Variants in CYP1B1 observed in about 807,000 individuals in gnomAD.
CYP1B1 encodes the protein cytochrome P450 family 1 subfamily B member 1, also known as cytochrome P450 1B1.
Under a neutral mutation model 29.9 loss-of-function variants are expected in CYP1B1, and 22 were observed. That is an observed-to-expected ratio of 0.74 (90% CI 0.53 to 1.05). The LOEUF is 1.05. CYP1B1 is among the 50% of genes least tolerant of loss of function. The probability of loss-of-function intolerance (pLI) is 0.00; values close to 1 mark genes in which losing one functional copy is unlikely to be tolerated. For missense variants in CYP1B1, 883 were observed against 746.9 expected, an observed-to-expected ratio of 1.18 and a Z score of -2.12; for synonymous variants, 375 against 320.0, an observed-to-expected ratio of 1.17 and a Z score of -1.83.
chr2:38,075,578 C>G, intron 1 of CYP1B1, 189 bp from the exon 2 acceptor site: 1 of 628,104 alleles, frequency 1.6e-6, no homozygotes, highest in Non-Finnish European at 2.8e-6. Context: ...AGAGAAGGGG[C>G]GTGTTTCCAC....
rs1166578570 is a variant in CYP1B1 at position 38,074,509 on chromosome 2, C to A, written c.880G>T (p.Asp294Tyr). The A allele has an allele frequency of 3.1e-6, 5 of 1,610,306 alleles. No individual in the cohort carries two copies. Among genetic ancestry groups the A allele is most frequent in the Non-Finnish European group, 3.4e-6 (4 of 1,178,618 alleles). ...RPGAAPRDMM[D>Y]AFILSAEKKA... ...TTTTCCGCAGAGAGGATAAAGGCGT[C>A]CATCATGTCGCGGGGGGCGGCCCCG... The change falls in exon 2 of 3, where the codon GAC becomes TAC. Residue 294 changes from aspartate to tyrosine, a missense_variant. Transcript: ENST00000610745.
At chr2:38,075,619 C>A in intron 1 of CYP1B1, 161 bp downstream of exon 1, 1 of 594,552 alleles carries the variant, frequency 1.7e-6, no homozygotes, top group Non-Finnish European at 3.0e-6. Flanking sequence ...AACCCTTCCC[C>A]TCCCCGCAAG....
chr2:38,071,068 T>C lies in CYP1B1; in HGVS notation c.1286A>G (p.His429Arg). The C allele has an allele frequency of 6.2e-7, 1 of 1,613,502 alleles. No homozygotes were observed. Among genetic ancestry groups the C allele is most frequent in the Non-Finnish European group, 8.5e-7 (1 of 1,179,440 alleles). The change falls in exon 3 of 3, where the codon CAT becomes CGT. Residue 429 changes from histidine (H) to arginine (R), a missense_variant. His to Arg is a conservative substitution (Grantham distance 29, BLOSUM62 0). Coordinates refer to ENST00000610745, the MANE Select transcript of CYP1B1 (RefSeq NM_000104.4). ...VVFVNQWSVN[H>R]DPLKWPNPEN... The stretch of plus-strand genomic sequence containing the variant: ...CGGGTTAGGCCACTTCAGTGGGTCA[T>C]GATTCACAGACCACTGGTTGACAAA...
chr2:38,075,862 A>G lies in CYP1B1; in HGVS notation c.-84T>C, dbSNP rs886055999. The G allele has an allele frequency of 3.5e-4, 71 of 200,034 alleles. No homozygotes were observed. Among genetic ancestry groups the G allele is most frequent in the Admixed American group, 6.9e-4 (13 of 18,936 alleles). 12.4% of individuals were successfully genotyped at this position (200,034 alleles called of 1,614,324 possible). ...GACCTTTGCCTAGGGCAAGACGTCA[A>G]CAGGAACCCGCAGGCCCGGCCTGGA... On this transcript the variant is annotated 5_prime_UTR_variant, in exon 1 of 3. Coordinates refer to ENST00000610745, the MANE Select transcript of CYP1B1 (RefSeq NM_000104.4).
Position 38,067,654 on chromosome 2 carries a change from G to T in CYP1B1, c.*3068C>A, listed in dbSNP as rs1294274004. The T allele has an allele frequency of 5.6e-6, 1 of 177,904 alleles. No individual in the cohort carries two copies. Among genetic ancestry groups the T allele is most frequent in the East Asian group, 9.3e-5 (1 of 10,726 alleles). 11.0% of individuals were successfully genotyped at this position (177,904 alleles called of 1,614,324 possible). A position where few individuals can be genotyped will look rare whatever the true frequency, so the allele number is the denominator to read the frequency against. On this transcript the variant is annotated 3_prime_UTR_variant, in exon 3 of 3. Coordinates refer to ENST00000610745, the MANE Select transcript of CYP1B1 (RefSeq NM_000104.4). The stretch of plus-strand genomic sequence containing the variant: ...TTTTGGTAATGGTGTCCCAGTATAA[G>T]TAATGAGATACAATTTTTTTTTAAT...
Position 38,068,962 on chromosome 2 carries a change from T to A in CYP1B1, c.*1760A>T, listed in dbSNP as rs1189797184. 2 of 227,414 alleles carry A rather than the reference T, an allele frequency of 8.8e-6. No individual in the cohort carries two copies. The highest frequency in any genetic ancestry group is 6.3e-5 in the East Asian group (1 of 15,856). The allele number at this position is 227,414 out of a possible 1,614,324, so 14.1% of individuals were successfully genotyped here. A position where few individuals can be genotyped will look rare whatever the true frequency, so the allele number is the denominator to read the frequency against. On this transcript the variant is annotated 3_prime_UTR_variant, in exon 3 of 3. Coordinates refer to ENST00000610745, the MANE Select transcript of CYP1B1 (RefSeq NM_000104.4). The stretch of plus-strand genomic sequence containing the variant: ...CACAACTATCAAAAACTCCCTTTTT[T>A]AAAATTTTGGTACAAAGATTCCAAA...
In CYP1B1 at chr2:38,068,697, A is replaced by G. The variant is rs950607605; in HGVS notation, c.*2025T>C. 1.3e-5 allele frequency: 3 copies of G among 223,872 alleles called. No individual in the cohort carries two copies. The highest frequency in any genetic ancestry group is 6.7e-5 in the African/African-American group (3 of 44,820). The allele number at this position is 223,872 out of a possible 1,614,324, so 13.9% of individuals were successfully genotyped here. ...CTATGAAATTTTAAAATAAAATTAC[A>G]TGAAGTTTTTTAATATTCCAAACCA... On this transcript the variant is annotated 3_prime_UTR_variant, in exon 3 of 3. Coordinates refer to ENST00000610745, the MANE Select transcript of CYP1B1 (RefSeq NM_000104.4).
intron 2 of CYP1B1, among the ~76,000 whole-genome samples, chr2:38,072,083 TA>T (rs2125315164): frequency 6.6e-6 from 1 of 152,290 alleles, no homozygotes; most frequent in Admixed American, 6.5e-5. Context: ...ACAATCTTTT[TA>T]AAAAACAAAA....
chr2:38,068,510 G>C lies in CYP1B1; in HGVS notation c.*2212C>G, dbSNP rs1682358967. On this transcript the variant is annotated 3_prime_UTR_variant, in exon 3 of 3. Transcript: ENST00000610745. ...ACACATTTCTCAATCTAAAAAAATAGGCTACAGCAGCCCAAATTCACTGTC... is the reference window on the plus strand; with the variant it reads ...ACACATTTCTCAATCTAAAAAAATACGCTACAGCAGCCCAAATTCACTGTC... 1 of 225,128 alleles carries C rather than the reference G, an allele frequency of 4.4e-6. No homozygotes were observed. Among genetic ancestry groups the C allele is most frequent in the African/African-American group, 2.2e-5 (1 of 44,804 alleles). 13.9% of individuals were successfully genotyped at this position (225,128 alleles called of 1,614,324 possible).
intron 2 of CYP1B1, 47 bp downstream of exon 2, chr2:38,074,299 T>A (rs1188425886): frequency 1.4e-5 from 22 of 1,592,284 alleles, no homozygotes; most frequent in Non-Finnish European, 1.8e-5. Context: ...CTACTCCGCC[T>A]TTTTCAGAGG....
At position 38,074,521 on chromosome 2, in the gene CYP1B1, G is replaced by T; in HGVS notation, c.868C>A (p.Arg290Ser). 1 of 1,608,322 alleles carries T rather than the reference G, an allele frequency of 6.2e-7. No individual in the cohort carries two copies. Among genetic ancestry groups the T allele is most frequent in the Non-Finnish European group, 8.5e-7 (1 of 1,177,590 alleles). Residue 290 changes from arginine to serine, a missense_variant, in exon 2 of 3, where the codon CGC (arginine) becomes AGC (serine). Arg to Ser is a moderately radical substitution (Grantham distance 110). Coordinates refer to ENST00000610745, the MANE Select transcript of CYP1B1 (RefSeq NM_000104.4). ...CESLRPGAAP[R>S]DMMDAFILSA... Reference sequence around the variant, plus strand: ...AGGATAAAGGCGTCCATCATGTCGCGGGGGGCGGCCCCGGGCCGAAGGCTT... The same window carrying T: ...AGGATAAAGGCGTCCATCATGTCGCTGGGGGCGGCCCCGGGCCGAAGGCTT...
chr2:38,075,625 G>T (rs536049734), intron 1 of CYP1B1, 155 bp downstream of exon 1: 8 of 590,262 alleles, frequency 1.4e-5, no homozygotes, highest in African/African-American at 9.3e-5. Flanking sequence ...TCCCCTCCCC[G>T]CAAGGCGCGT....
In CYP1B1 at chr2:38,069,912, C is replaced by CT. The variant is rs4646432; in HGVS notation, c.*809dup. On this transcript the variant is annotated 3_prime_UTR_variant, in exon 3 of 3. Coordinates refer to ENST00000610745, the MANE Select transcript of CYP1B1 (RefSeq NM_000104.4). ...GTCACATAATTTAAAGCTTGGCTGGCTTTTTTTTTTTTCTTTGCTGATAAT... is the reference window on the plus strand; with the variant it reads ...GTCACATAATTTAAAGCTTGGCTGGCTTTTTTTTTTTTTCTTTGCTGATAAT... 2,596 of 174,196 alleles carry CT rather than the reference C, an allele frequency of 0.015. 3 individuals are homozygous for CT. Among genetic ancestry groups the CT allele is most frequent in the Middle Eastern group, 0.03 (14 of 462 alleles). The allele number at this position is 174,196 out of a possible 1,614,324, so 10.8% of individuals were successfully genotyped here. A position where few individuals can be genotyped will look rare whatever the true frequency, so the allele number is the denominator to read the frequency against.
rs111318794 is a variant in CYP1B1, at chr2:38,074,257, G to C, written c.1043+89C>G. 2.1e-6 allele frequency: 3 copies of C among 1,426,128 alleles called. No individual in the cohort carries two copies. The South Asian group carries it at 3.7e-5, about 17-fold the overall frequency. 88.3% of individuals were successfully genotyped at this position (1,426,128 alleles called of 1,614,324 possible). A position where few individuals can be genotyped will look rare whatever the true frequency, so the allele number is the denominator to read the frequency against. On this transcript the variant is annotated intron_variant, in intron 2 of 2. Transcript: ENST00000610745. The stretch of plus-strand genomic sequence containing the variant: ...ACCTGGAGCGAAACCCCAAACCCGG[G>C]GCCCTGCTTGCAAACTCAGCATATT...
In CYP1B1 at chr2:38,076,051, G is replaced by C. The variant is rs1282044788; in HGVS notation, c.-273C>G. 2.6e-5 allele frequency: 4 copies of C among 155,252 alleles called. No individual in the cohort carries two copies. The highest frequency in any genetic ancestry group is 9.6e-5 in the African/African-American group (4 of 41,488). 9.6% of individuals were successfully genotyped at this position (155,252 alleles called of 1,614,324 possible). ...AGTCGAGGTTTCCTCACAGCGTTGA[G>C]ATTGAGACTGGGGGTCGGTGAGTGG... On this transcript the variant is annotated 5_prime_UTR_variant, in exon 1 of 3. In the 5' UTR this introduces an upstream ATG that the reference lacks. Coordinates refer to ENST00000610745, the MANE Select transcript of CYP1B1 (RefSeq NM_000104.4).
At position 38,074,668 on chromosome 2, in the gene CYP1B1, C is replaced by A; in HGVS notation, c.721G>T (p.Val241Leu). 6.2e-7 allele frequency: 1 copy of A among 1,613,126 alleles called. No homozygotes were observed. The highest frequency in any genetic ancestry group is 8.5e-7 in the Non-Finnish European group (1 of 1,180,008). ...FGRTVGAGSL[V>L]DVMPWLQYFP... is the part of the protein sequence containing the mutation. Reference sequence around the variant, plus strand: ...TACTGCAGCCAGGGCATCACGTCCACCAGGCTGCCCGCGCCCACCGTGCGC... The same window carrying A: ...TACTGCAGCCAGGGCATCACGTCCAACAGGCTGCCCGCGCCCACCGTGCGC... Residue 241 changes from valine (V) to leucine (L), a missense_variant, in exon 2 of 3, where the codon GTG becomes TTG. Val to Leu is a conservative substitution (Grantham distance 32). Coordinates refer to ENST00000610745, the MANE Select transcript of CYP1B1 (RefSeq NM_000104.4).
chr2:38,075,446 C>T (rs112468388), intron 1 of CYP1B1, 57 bp from the exon 2 acceptor site: 56 of 1,554,586 alleles, frequency 3.6e-5, no homozygotes, highest in Admixed American at 1.7e-4. Context: ...GGAGCGGGCG[C>T]CCCACGCCCC....
intron 2 of CYP1B1, 24 bp from the exon 3 acceptor site, chr2:38,071,334 G>C (rs1342689069): frequency 6.2e-7 from 1 of 1,606,380 alleles, no homozygotes; most frequent in South Asian, 1.1e-5. Flanking sequence ...AATGTGGAGA[G>C]AGAAAAGCAA....
Position 38,075,125 on chromosome 2 carries a change from G to T in CYP1B1, c.264C>A (p.Arg88=). The T allele has an allele frequency of 6.3e-7, 1 of 1,579,162 alleles. No homozygotes were observed. Among genetic ancestry groups the T allele is most frequent in the Non-Finnish European group, 8.5e-7 (1 of 1,170,250 alleles). The change falls in exon 2 of 3, where the codon CGC becomes CGA. Residue 88 remains arginine (R), a synonymous_variant. Coordinates refer to ENST00000610745, the MANE Select transcript of CYP1B1 (RefSeq NM_000104.4). ...ARRYGDVFQI[R]LGSCPIVVLN... ...GCACCACTATGGGGCAGCTGCCCAGGCGGATCTGGAAAACGTCGCCGTAGC... is the reference window on the plus strand; with the variant it reads ...GCACCACTATGGGGCAGCTGCCCAGTCGGATCTGGAAAACGTCGCCGTAGC...
Sources: allele counts gnomAD v4.1 joint callset (sites outside exome capture counted in the v4.1 genomes callset), GRCh38; gene constraint gnomAD v4.1.1; transcripts MANE v1.5; gene names NCBI Gene and HGNC (gene_info 2026-07-23, HGNC 2026-07-21).